The following LRP1B variants were observed in gnomAD, a reference collection of about 807,000 sequenced individuals.
LRP1B encodes the protein low-density lipoprotein receptor-related protein 1B.
A neutral mutation model predicts 556.6 loss-of-function variants in LRP1B; 217 were observed. The ratio of observed to expected loss-of-function variants is 0.39; its 90% CI spans 0.35 to 0.44. LRP1B has a LOEUF of 0.44. LRP1B is among the 20% of genes least tolerant of loss of function. LRP1B has a pLI of 1.00. For synonymous variants in LRP1B, 2,047 were observed against 1,865.8 expected (o/e 1.10, Z -2.50); for missense variants, 5,053 against 5,620.8 (o/e 0.90, Z 3.23).
intron 2 of LRP1B, among the ~76,000 whole-genome samples, chr2:141,765,402 T>C (rs545240972): frequency 2.6e-5 from 4 of 152,298 alleles, no homozygotes; most frequent in African/African-American, 9.6e-5. Flanking sequence ...TTTTCACTTA[T>C]AGGTATTGTC....
intron 23 of LRP1B, among the ~76,000 whole-genome samples, chr2:140,891,990 T>A (rs1024033853): frequency 2.4e-4 from 36 of 152,064 alleles, no homozygotes; most frequent in African/African-American, 8.0e-4. Context: ...TGTGTGTGTG[T>A]GAGAGGCAGA....
intron 27 of LRP1B, among the ~76,000 whole-genome samples, chr2:140,867,153 T>G (rs1692975380): frequency 6.6e-6 from 1 of 151,990 alleles, no homozygotes; most frequent in Non-Finnish European, 1.5e-5. Context: ...AAAACCAAGA[T>G]GGGGTTCACT....
chr2:141,466,919 T>C (rs1291495655), intron 3 of LRP1B, among the ~76,000 whole-genome samples: 3 of 146,614 alleles, frequency 2.0e-5, no homozygotes, highest in Non-Finnish European at 4.5e-5. Context: ...TCCTGACTGA[T>C]ATGGCATAAG....
At chr2:140,881,532 A>C (rs2105182341) in intron 25 of LRP1B, among the ~76,000 whole-genome samples, 1 of 152,128 alleles carries the variant, frequency 6.6e-6, no homozygotes, top group Admixed American at 6.6e-5. Context: ...CATGACACAA[A>C]AATCTGTCAA....
intron 3 of LRP1B, among the ~76,000 whole-genome samples, chr2:141,283,705 C>T (rs1009070435): frequency 7.0e-6 from 1 of 143,100 alleles, no homozygotes; most frequent in Non-Finnish European, 1.5e-5. Context: ...AAGTGATTCT[C>T]CTGCCTCAGC....
chr2:140,453,668 T>C (rs1686970927), intron 62 of LRP1B, among the ~76,000 whole-genome samples: 1 of 87,484 alleles, frequency 1.1e-5, no homozygotes, highest in Non-Finnish European at 2.8e-5. Flanking sequence ...ACTTTTTTCC[T>C]AAAATGATTT....
At chr2:140,908,131 T>C (rs999162427) in intron 21 of LRP1B, 54 bp from the exon 22 acceptor site, 1 of 1,389,412 alleles carries the variant, frequency 7.2e-7, no homozygotes, top group Middle Eastern at 1.9e-4. Context: ...GTCATTATGA[T>C]AATGAGTGGC....
rs556888966 is a variant in LRP1B, at chr2:141,295,188, C to G, written c.344-40547G>C. On this transcript the variant is annotated intron_variant, in intron 3 of 90. Coordinates refer to ENST00000389484, the MANE Select transcript of LRP1B (RefSeq NM_018557.3). ...TTATTTATATATTTCAACTGATGCA[C>G]TTTACCAAGAATCTTACCTTGGGGA... Among the ~76,000 whole-genome samples, 5 of 152,250 alleles carry G rather than the reference C, an allele frequency of 3.3e-5. No individual in the cohort carries two copies. In the South Asian group the frequency reaches 1.0e-3, roughly 32 times the overall value.
chr2:140,945,497 G>A (rs1051286520), intron 20 of LRP1B, among the ~76,000 whole-genome samples: 1 of 151,980 alleles, frequency 6.6e-6, no homozygotes, highest in Admixed American at 6.6e-5. Context: ...CATGATAATG[G>A]TACAAAAATA....
At chr2:142,071,840 C>T (rs952697120) in intron 1 of LRP1B, among the ~76,000 whole-genome samples, 1 of 151,960 alleles carries the variant, frequency 6.6e-6, no homozygotes, top group Non-Finnish European at 1.5e-5. Context: ...AAACCTCAGG[C>T]CCACAGAATG....
intron 21 of LRP1B, 126 bp downstream of exon 21, chr2:140,922,839 T>C: frequency 1.4e-6 from 1 of 702,594 alleles, no homozygotes; most frequent in Non-Finnish European, 2.4e-6. Context: ...ACTATTATTA[T>C]ACATGAGCAC....
rs562012798 is a variant in LRP1B, at chr2:140,995,541, T to C, written c.2504-1406A>G. ...TTGCTTTTCAAAGAGCTTTTATTCATAGTCTTAATTGATCATTATGATAAC... is the reference window on the plus strand; with the variant it reads ...TTGCTTTTCAAAGAGCTTTTATTCACAGTCTTAATTGATCATTATGATAAC... On this transcript the variant is annotated intron_variant, in intron 15 of 90. Coordinates refer to ENST00000389484, the MANE Select transcript of LRP1B (RefSeq NM_018557.3). Among the ~76,000 whole-genome samples the C allele has an allele frequency of 1.4e-4, 22 of 152,178 alleles. No individual in the cohort carries two copies. The South Asian group carries it at 4.4e-3, about 30-fold the overall frequency.
chr2:141,017,684 T>C lies in LRP1B; in HGVS notation c.1971-1769A>G, dbSNP rs13027611. Among the ~76,000 whole-genome samples the C allele has an allele frequency of 6.0e-5, 9 of 150,626 alleles. No individual in the cohort carries two copies. In the South Asian group the frequency reaches 8.3e-4, roughly 14 times the overall value. ...ATATATGTATATGCACACACACACA[T>C]ATATATATATGCTTAAATATATATT... On this transcript the variant is annotated intron_variant, in intron 12 of 90. Coordinates refer to ENST00000389484, the MANE Select transcript of LRP1B (RefSeq NM_018557.3).
intron 86 of LRP1B, among the ~76,000 whole-genome samples, chr2:140,249,276 C>A (rs1681304261): frequency 6.6e-6 from 1 of 151,554 alleles, no homozygotes; most frequent in Admixed American, 6.6e-5. Flanking sequence ...ATTTTGAGAT[C>A]TCCAGATTAG....
At chr2:141,125,275 C>T (rs578068528) in intron 7 of LRP1B, among the ~76,000 whole-genome samples, 32 of 152,270 alleles carry the variant, frequency 2.1e-4, no homozygotes, top group African/African-American at 5.8e-4. Context: ...CAGCAGGTTG[C>T]TAGCGACATC....
intron 1 of LRP1B, among the ~76,000 whole-genome samples, chr2:141,911,365 A>G (rs917696725): frequency 1.3e-5 from 2 of 152,168 alleles, no homozygotes; most frequent in African/African-American, 2.4e-5. Context: ...TCCCGAAGTC[A>G]TATAAGTAAA....
chr2:140,307,167 G>C (rs1684102871), intron 83 of LRP1B, among the ~76,000 whole-genome samples: 1 of 151,824 alleles, frequency 6.6e-6, no homozygotes, highest in African/African-American at 2.4e-5. Context: ...TTTGGTATTA[G>C]AGAGAACTTG....
intron 2 of LRP1B, among the ~76,000 whole-genome samples, chr2:141,698,133 A>G (rs996480445): frequency 5.3e-5 from 8 of 151,896 alleles, no homozygotes; most frequent in Non-Finnish European, 1.2e-4. Context: ...TTACATTCCC[A>G]AGCACATTTA....
chr2:142,047,357 C>T (rs1559041798), intron 1 of LRP1B, among the ~76,000 whole-genome samples: 1 of 151,948 alleles, frequency 6.6e-6, no homozygotes, highest in African/African-American at 2.4e-5. Flanking sequence ...TAGAAGGTAG[C>T]AGTCCACACA....
Sources: allele counts gnomAD v4.1 joint callset (sites outside exome capture counted in the v4.1 genomes callset), GRCh38; gene constraint gnomAD v4.1.1; transcripts MANE v1.5; gene names NCBI Gene and HGNC (gene_info 2026-07-23, HGNC 2026-07-21).